The following SEMA4B variants were observed in gnomAD, a reference collection of about 807,000 sequenced individuals.
SEMA4B encodes the protein semaphorin-4B.
Under a neutral mutation model 88.1 loss-of-function variants are expected in SEMA4B, and 55 were observed. That is an observed-to-expected ratio of 0.62 (90% CI 0.50 to 0.78). The LOEUF (loss-of-function observed/expected upper bound fraction) is 0.78. SEMA4B is among the 30% of genes least tolerant of loss of function. The pLI, the probability that SEMA4B is intolerant of heterozygous loss-of-function variation, is 0.00. For missense variants in SEMA4B, 1,062 were observed against 1,111.9 expected (o/e 0.96, Z 0.64); for synonymous variants, 525 against 473.6 (o/e 1.11, Z -1.41).
upstream of SEMA4B, among the ~76,000 whole-genome samples, chr15:90,197,449 T>G (rs1567043773): frequency 6.6e-6 from 1 of 151,938 alleles, no homozygotes; most frequent in Admixed American, 6.6e-5. Flanking sequence ...CCAATTTTTG[T>G]TTTTTTGGGA....
At chr15:90,186,449 G>A (rs1378291738) in intron 1 of SEMA4B, among the ~76,000 whole-genome samples, 4 of 150,982 alleles carry the variant, frequency 2.6e-5, no homozygotes, top group Non-Finnish European at 5.9e-5. Flanking sequence ...GTGAAACCTC[G>A]TCTCTAGTAA....
intron 1 of SEMA4B, among the ~76,000 whole-genome samples, chr15:90,210,904 G>A (rs552323147): frequency 2.5e-4 from 38 of 152,314 alleles, no homozygotes; most frequent in South Asian, 8.3e-4. Flanking sequence ...TTGGGAGCTT[G>A]TCTAAGGCAG....
At chr15:90,207,324 G>T (rs1056282528) in intron 1 of SEMA4B, among the ~76,000 whole-genome samples, 1 of 112,488 alleles carries the variant, frequency 8.9e-6, no homozygotes, top group African/African-American at 3.8e-5. Flanking sequence ...GGGGATGGTA[G>T]GTAGGAGACA....
intron 1 of SEMA4B, among the ~76,000 whole-genome samples, chr15:90,208,605 G>A (rs898901457): frequency 2.6e-5 from 4 of 152,144 alleles, no homozygotes; most frequent in African/African-American, 4.8e-5. Flanking sequence ...GAATTTGTTC[G>A]GGGTTGCACA....
rs1235032517 is a variant in SEMA4B, at chr15:90,228,032, T to G, written c.1903T>G (p.Cys635Gly). ...NGAPVNASAS[C>G]HVLPTGDLLL... is the part of the protein sequence containing the mutation. The stretch of plus-strand genomic sequence containing the variant: ...GGCCCCCGTCAATGCCTCGGCCTCC[T>G]GCCACGTGCTACCCACTGGGGACCT... Residue 635 changes from cysteine (C) to glycine (G), a missense_variant, in exon 14 of 14, where the codon TGC becomes GGC. Physicochemically the swap from Cys to Gly is radical, Grantham distance 159. Transcript: ENST00000411539. 1.2e-6 allele frequency: 2 copies of G among 1,613,882 alleles called. No homozygotes were observed. The highest frequency in any genetic ancestry group is 1.7e-6 in the Non-Finnish European group (2 of 1,179,860).
intron 1 of SEMA4B, among the ~76,000 whole-genome samples, chr15:90,208,721 A>G (rs924687804): frequency 2.0e-5 from 3 of 148,666 alleles, no homozygotes; most frequent in African/African-American, 5.0e-5. Flanking sequence ...TCATACTTCC[A>G]CCTGTCATAC....
At chr15:90,217,109 G>A (rs980356155) in intron 1 of SEMA4B, 1 of 216,836 alleles carries the variant, frequency 4.6e-6, no homozygotes, top group Admixed American at 5.6e-5. Context: ...CAGCTGTATA[G>A]TATTCAGTTG....
rs1596126141 is a variant in SEMA4B, at chr15:90,201,331, C to T, written c.-248C>T. ...CCTCCTTCAGCCCCGCCCTCCGCCG[C>T]TTGCGGGTGAGCTCTGCCCAAGCCG... On this transcript the variant is annotated 5_prime_UTR_variant, in exon 1 of 14. Coordinates refer to ENST00000411539, the MANE Select transcript of SEMA4B (RefSeq NM_198925.4). 1.3e-5 allele frequency: 15 copies of T among 1,191,590 alleles called. 1 individual carries two copies. The East Asian group carries it at 5.5e-4, about 43-fold the overall frequency. 73.8% of individuals were successfully genotyped at this position (1,191,590 alleles called of 1,614,324 possible).
intron 1 of SEMA4B, among the ~76,000 whole-genome samples, chr15:90,202,270 C>A (rs976405601): frequency 6.6e-6 from 1 of 152,236 alleles, no homozygotes; most frequent in Non-Finnish European, 1.5e-5. Flanking sequence ...ACCTCCAGGC[C>A]CTGGGAGCGA....
At chr15:90,186,534 G>A (rs1179379978) in intron 1 of SEMA4B, among the ~76,000 whole-genome samples, 2 of 152,048 alleles carry the variant, frequency 1.3e-5, no homozygotes, top group Admixed American at 6.6e-5. Flanking sequence ...CAGGAGAATC[G>A]CTTGAATCTG....
In SEMA4B at chr15:90,225,262, G is replaced by A; in HGVS notation, c.1406-20G>A. The A allele has an allele frequency of 6.4e-7, 1 of 1,554,980 alleles. No homozygotes were observed. Among genetic ancestry groups the A allele is most frequent in the Non-Finnish European group, 8.7e-7 (1 of 1,149,174 alleles). On this transcript the variant is annotated intron_variant, in intron 10 of 13. Coordinates refer to ENST00000411539, the MANE Select transcript of SEMA4B (RefSeq NM_198925.4). ...GGGCAGTGGGCTCCACCCAGGGCCT[G>A]AGTCCTGTCCACACCCCAGGTGACG...
chr15:90,193,472 T>C (rs1427410209), intron 1 of SEMA4B: 1 of 152,122 alleles, frequency 6.6e-6, no homozygotes, highest in Non-Finnish European at 1.5e-5. Flanking sequence ...GCAGTGGGGA[T>C]TTGGAAGATG....
At chr15:90,202,326 C>T (rs1244425152) in intron 1 of SEMA4B, among the ~76,000 whole-genome samples, 2 of 152,154 alleles carry the variant, frequency 1.3e-5, no homozygotes, top group South Asian at 4.1e-4. Context: ...ATTCCCAAGT[C>T]CTGGGAGCGA....
At chr15:90,221,329 C>T in intron 5 of SEMA4B, 38 bp from the exon 6 acceptor site, 2 of 1,498,406 alleles carry the variant, frequency 1.3e-6, no homozygotes, top group Non-Finnish European at 1.8e-6. Context: ...AGGGGCCGTG[C>T]TGAGGAGCCC....
chr15:90,220,913 C>T (rs1961796227), intron 4 of SEMA4B, 69 bp from the exon 5 acceptor site: 3 of 1,053,156 alleles, frequency 2.8e-6, no homozygotes, highest in Admixed American at 4.0e-5. Context: ...GCACGCCTCT[C>T]TCTTTCTCAC....
intron 1 of SEMA4B, among the ~76,000 whole-genome samples, chr15:90,211,882 G>A (rs550300383): frequency 1.6e-4 from 24 of 152,286 alleles, no homozygotes; most frequent in Middle Eastern, 6.8e-3. Flanking sequence ...CCTGTAGAGG[G>A]TGGGATGTTA....
At chr15:90,209,799 T>A (rs1007732704) in intron 1 of SEMA4B, among the ~76,000 whole-genome samples, 1 of 147,086 alleles carries the variant, frequency 6.8e-6, no homozygotes, top group Non-Finnish European at 1.5e-5. Context: ...GAAAGCCTTC[T>A]GGGTGGAGGG....
intron 1 of SEMA4B, among the ~76,000 whole-genome samples, chr15:90,193,952 A>G (rs1052867998): frequency 6.6e-6 from 1 of 151,694 alleles, no homozygotes; most frequent in Non-Finnish European, 1.5e-5. Flanking sequence ...CCCGGGTTCA[A>G]GCGATTCTCC....
At chr15:90,220,882 C>T (rs1961793758) in intron 4 of SEMA4B, 100 bp from the exon 5 acceptor site, 3 of 738,804 alleles carry the variant, frequency 4.1e-6, no homozygotes, top group South Asian at 3.2e-5. Context: ...ACCTCACCTG[C>T]CTGCAGAGTT....
Sources: gnomAD v4.1 joint callset for allele counts (sites outside exome capture counted in the v4.1 genomes callset) on GRCh38, gnomAD v4.1.1 for gene constraint, MANE v1.5 for transcripts, NCBI Gene and HGNC (gene_info 2026-07-23, HGNC 2026-07-21) for gene names.